The following PXDNL variants were observed in gnomAD, a reference collection of about 807,000 sequenced individuals.
The protein encoded by PXDNL is probable oxidoreductase PXDNL.
PXDNL carries 145 observed loss-of-function variants against 150.8 expected under a neutral mutation model. The ratio of observed to expected loss-of-function variants is 0.96; its 90% CI spans 0.84 to 1.10. The LOEUF (loss-of-function observed/expected upper bound fraction) is 1.10. Among genes scored for constraint, PXDNL ranks in the 50% least tolerant of loss-of-function variants. PXDNL has a pLI of 0.00. For synonymous variants in PXDNL, 757 were observed against 725.7 expected (o/e 1.04, Z -0.69); for missense variants, 2,087 against 1,873.9 (o/e 1.11, Z -2.10).
intron 2 of PXDNL, among the ~76,000 whole-genome samples, chr8:51,638,506 A>C (rs1414460468): frequency 6.6e-6 from 1 of 152,146 alleles, no homozygotes; most frequent in Admixed American, 6.5e-5. Flanking sequence ...ATGGAGGAAG[A>C]TCTACCAAGC....
At chr8:51,403,088 CAAAAAAA>C (rs201970177) in intron 17 of PXDNL, among the ~76,000 whole-genome samples, 7 of 52,880 alleles carry the variant, frequency 1.3e-4, no homozygotes, top group African/African-American at 3.0e-4. Context: ...ACTCCCTCTC[CAAAAAAA>C]AAAAAAAAGA....
chr8:51,417,420 G>C (rs1009557108), intron 14 of PXDNL, among the ~76,000 whole-genome samples: 11 of 152,154 alleles, frequency 7.2e-5, no homozygotes, highest in Admixed American at 5.9e-4. Flanking sequence ...AAAAGGGGGA[G>C]CTTAGGCCAC....
rs891143257 is a variant in PXDNL, at chr8:51,409,453, T to C, written c.2171A>G (p.His724Arg). The change falls in exon 17 of 23, where the codon CAT becomes CGT. Residue 724 changes from histidine (H) to arginine (R), a missense_variant. Transcript: ENST00000356297. ...PLPNCSNRCF[H>R]AKYRAHDGTC... ...GCCGTCGTGGGCGCGGTACTTCGCA[T>C]GGAAACACCGGTTGGAGCAGTTTGG... The C allele has an allele frequency of 2.5e-6, 4 of 1,612,622 alleles. No individual in the cohort carries two copies. Among genetic ancestry groups the C allele is most frequent in the Non-Finnish European group, 3.4e-6 (4 of 1,179,778 alleles).
At chr8:51,378,846 T>G (rs2915503) in intron 17 of PXDNL, among the ~76,000 whole-genome samples, 2 of 152,288 alleles carry the variant, frequency 1.3e-5, no homozygotes, top group South Asian at 2.1e-4. Flanking sequence ...GAAGAAACTC[T>G]GAACATGTTC....
In PXDNL at chr8:51,479,814, A is replaced by G. The variant is rs572322819; in HGVS notation, c.524+3829T>C. 1.6e-4 allele frequency among the ~76,000 whole-genome samples: 24 copies of G among 152,314 alleles called. 1 individual carries two copies. The South Asian group carries it at 4.8e-3, about 30-fold the overall frequency. On this transcript the variant is annotated intron_variant, in intron 6 of 22. Transcript: ENST00000356297. ...CACTAAAAACCCAGACTTCACCACT[A>G]TGTTATATATCCATGTAACAAATCT...
chr8:51,530,148 T>C (rs7003517), intron 4 of PXDNL, among the ~76,000 whole-genome samples: 14,686 of 152,138 alleles, frequency 0.097, 1,488 homozygotes, highest in African/African-American at 0.25. Flanking sequence ...CTGGAGTTCA[T>C]GGCAGAGGTC....
chr8:51,441,746 A>G (rs1485210479), intron 12 of PXDNL, among the ~76,000 whole-genome samples: 1 of 152,168 alleles, frequency 6.6e-6, no homozygotes, highest in African/African-American at 2.4e-5. Flanking sequence ...CTATCTTTCA[A>G]GTAATAAATG....
intron 3 of PXDNL, among the ~76,000 whole-genome samples, chr8:51,568,107 T>C (rs1563467518): frequency 6.6e-6 from 1 of 151,816 alleles, no homozygotes; most frequent in Non-Finnish European, 1.5e-5. Flanking sequence ...ACCAAATTTA[T>C]TGTATTTATT....
At chr8:51,588,711 A>G (rs1813378951) in intron 3 of PXDNL, among the ~76,000 whole-genome samples, 2 of 152,092 alleles carry the variant, frequency 1.3e-5, no homozygotes, top group African/African-American at 4.8e-5. Flanking sequence ...TGTTTTATTA[A>G]TTTGTTTGTC....
intron 5 of PXDNL, among the ~76,000 whole-genome samples, chr8:51,491,455 A>C (rs1437261121): frequency 6.6e-6 from 1 of 152,210 alleles, no homozygotes; most frequent in Non-Finnish European, 1.5e-5. Flanking sequence ...TCTGTACTAC[A>C]AGGTTAAAAT....
At chr8:51,609,451 G>T (rs1332858242) in intron 2 of PXDNL, among the ~76,000 whole-genome samples, 1 of 152,124 alleles carries the variant, frequency 6.6e-6, no homozygotes, top group African/African-American at 2.4e-5. Context: ...TGACCTTTGG[G>T]GCCACATAAT....
chr8:51,499,175 G>T (rs923634993), intron 5 of PXDNL, among the ~76,000 whole-genome samples: 3 of 152,194 alleles, frequency 2.0e-5, no homozygotes, highest in Non-Finnish European at 2.9e-5. Context: ...TGTCACCCAG[G>T]CTGGAGTGCA....
chr8:51,777,046 G>T (rs899256899), intron 1 of PXDNL, among the ~76,000 whole-genome samples: 2 of 152,056 alleles, frequency 1.3e-5, no homozygotes, highest in Non-Finnish European at 2.9e-5. Context: ...TAAAGTAAAA[G>T]CAAAGCAAGT....
chr8:51,745,561 T>G (rs933760926), intron 1 of PXDNL, among the ~76,000 whole-genome samples: 1 of 152,214 alleles, frequency 6.6e-6, no homozygotes, highest in East Asian at 1.9e-4. Flanking sequence ...CTACCTGATC[T>G]AAACCAGAAG....
chr8:51,441,877 A>G (rs1809559466), intron 12 of PXDNL, among the ~76,000 whole-genome samples: 1 of 152,176 alleles, frequency 6.6e-6, no homozygotes, highest in Non-Finnish European at 1.5e-5. Flanking sequence ...GGAATAGAGT[A>G]CTGGGAGGAC....
intron 2 of PXDNL, among the ~76,000 whole-genome samples, chr8:51,593,648 G>C (rs16916577): frequency 0.037 from 5,688 of 152,204 alleles, 247 homozygotes; most frequent in East Asian, 0.24. Flanking sequence ...AATTTCACAG[G>C]CAGCCTAGAG....
chr8:51,737,449 T>TA (rs1218968445), intron 1 of PXDNL, among the ~76,000 whole-genome samples: 6 of 152,252 alleles, frequency 3.9e-5, no homozygotes, highest in Admixed American at 3.9e-4. Context: ...TGCAGCCTGG[T>TA]ACCCAGCAGG....
At chr8:51,696,752 C>CACACAA (rs1563510141) in intron 1 of PXDNL, among the ~76,000 whole-genome samples, 1 of 18,900 alleles carries the variant, frequency 5.3e-5, no homozygotes, top group East Asian at 2.1e-3. Flanking sequence ...CACATACCCA[C>CACACAA]CCACACATAG....
chr8:51,522,926 CTT>C (rs146884463), intron 4 of PXDNL, among the ~76,000 whole-genome samples: 2,092 of 151,896 alleles, frequency 0.014, 53 homozygotes, highest in African/African-American at 0.048. Context: ...TAATAAAATA[CTT>C]TATCTTTGTG....
Sources: gnomAD v4.1 joint callset for allele counts (sites outside exome capture counted in the v4.1 genomes callset) on GRCh38, gnomAD v4.1.1 for gene constraint, MANE v1.5 for transcripts, NCBI Gene and HGNC (gene_info 2026-07-23, HGNC 2026-07-21) for gene names.